The following PTPRN2 variants were observed in gnomAD, a reference collection of about 807,000 sequenced individuals.
PTPRN2 encodes protein tyrosine phosphatase receptor type N2, also known as receptor-type tyrosine-protein phosphatase N2.
PTPRN2 carries 74 observed loss-of-function variants against 118.8 expected under a neutral mutation model. That is an observed-to-expected ratio of 0.62 (90% CI 0.52 to 0.76). PTPRN2 has a LOEUF of 0.76. Ranked by LOEUF, PTPRN2 falls within the 30% of genes least tolerant of loss-of-function variation. PTPRN2 has a pLI of 0.00. For synonymous variants in PTPRN2, 641 were observed against 608.0 expected, an observed-to-expected ratio of 1.05 and a Z score of -0.80; for missense variants, 1,481 against 1,394.4, an observed-to-expected ratio of 1.06 and a Z score of -0.99.
intron 13 of PTPRN2, among the ~76,000 whole-genome samples, chr7:157,667,809 C>T (rs575630821): frequency 6.6e-6 from 1 of 152,272 alleles, no homozygotes; most frequent in Admixed American, 6.5e-5. Context: ...GGCGCAGAAA[C>T]TCTCCATCAG....
intron 13 of PTPRN2, among the ~76,000 whole-genome samples, chr7:157,672,421 T>C (rs1331136257): frequency 1.3e-5 from 2 of 151,762 alleles, no homozygotes; most frequent in African/African-American, 4.8e-5. Context: ...ACACACCAGC[T>C]CCAGTTTCCA....
intron 3 of PTPRN2, among the ~76,000 whole-genome samples, chr7:158,298,472 T>C (rs543037074): frequency 6.6e-6 from 1 of 152,356 alleles, no homozygotes; most frequent in South Asian, 2.1e-4. Context: ...AGTCGAAACA[T>C]GAAATTACTT....
rs1402830542 is a variant in PTPRN2, at chr7:157,808,340, G to A, written c.1788+90333C>T. ...GTGAGTGGCAGGTAAGCGGGTGAGT[G>A]GCGGGTGAGTGAGCGAGTGAAACTT... On this transcript the variant is annotated intron_variant, in intron 12 of 22. Coordinates refer to ENST00000389418, the MANE Select transcript of PTPRN2 (RefSeq NM_002847.5). This position sits in a 1 kb window ranked among gnomAD's most constrained non-coding sequence, Gnocchi z 5.0. 6.6e-6 allele frequency among the ~76,000 whole-genome samples: 1 copy of A among 152,066 alleles called. No individual in the cohort carries two copies. The highest frequency in any genetic ancestry group is 1.5e-5 in the Non-Finnish European group (1 of 68,010).
intron 2 of PTPRN2, among the ~76,000 whole-genome samples, chr7:158,465,139 C>T (rs1276084536): frequency 6.6e-6 from 1 of 152,198 alleles, no homozygotes; most frequent in African/African-American, 2.4e-5. Context: ...GCTGGGCCTC[C>T]TCTCCTGGGC....
At chr7:158,079,936 G>A (rs189680921) in intron 11 of PTPRN2, among the ~76,000 whole-genome samples, 116 of 152,308 alleles carry the variant, frequency 7.6e-4, no homozygotes, top group African/African-American at 2.7e-3. Flanking sequence ...AACAAAGTGA[G>A]ACTGGGGACT....
chr7:157,661,809 C>T lies in PTPRN2; in HGVS notation c.2002-5258G>A, dbSNP rs555845227. Among the ~76,000 whole-genome samples the T allele has an allele frequency of 2.1e-3, 325 of 152,278 alleles. 1 individual carries two copies. The highest frequency in any genetic ancestry group is 3.4e-3 in the Middle Eastern group (1 of 294). On this transcript the variant is annotated intron_variant, in intron 13 of 22. Coordinates refer to ENST00000389418, the MANE Select transcript of PTPRN2 (RefSeq NM_002847.5). ...CTACGATGGGCAGGACGTGGCTCCC[C>T]GGAGGCACCAGCCATGTTTCCCTCA...
chr7:158,214,937 CA>C (rs1214205893), intron 3 of PTPRN2, among the ~76,000 whole-genome samples: 1 of 152,100 alleles, frequency 6.6e-6, no homozygotes, highest in Non-Finnish European at 1.5e-5. Flanking sequence ...AGAATCATGA[CA>C]TAATACAAAA....
intron 12 of PTPRN2, among the ~76,000 whole-genome samples, chr7:157,687,094 C>T (rs12698100): frequency 6.6e-6 from 1 of 151,694 alleles, no homozygotes; most frequent in African/African-American, 2.4e-5. Flanking sequence ...TGTCTTAGAA[C>T]TTAGCATCTG....
intron 12 of PTPRN2, among the ~76,000 whole-genome samples, chr7:157,772,791 C>T (rs1466768064): frequency 2.0e-5 from 3 of 152,254 alleles, no homozygotes; most frequent in East Asian, 1.9e-4. Flanking sequence ...AGTCTTTGGT[C>T]GCTTTTGCAT....
intron 3 of PTPRN2, among the ~76,000 whole-genome samples, chr7:158,268,213 C>T (rs949458718): frequency 2.1e-4 from 32 of 152,282 alleles, no homozygotes; most frequent in South Asian, 4.1e-4. Context: ...CGCGGCCGCA[C>T]GCACACAGAG....
chr7:158,328,088 G>A (rs1399250525), intron 2 of PTPRN2, among the ~76,000 whole-genome samples: 1 of 152,196 alleles, frequency 6.6e-6, no homozygotes, highest in East Asian at 1.9e-4. Flanking sequence ...GCACATTTCT[G>A]CAAGGAAGCT....
chr7:157,743,959 C>T (rs991053258), intron 12 of PTPRN2, among the ~76,000 whole-genome samples: 3 of 152,318 alleles, frequency 2.0e-5, no homozygotes, highest in South Asian at 2.1e-4. Flanking sequence ...TTGCATGTGT[C>T]GTGGTGGGAG....
rs1801779443 is a variant in PTPRN2 at position 157,964,627 on chromosome 7, T to A, written c.1724-65890A>T. Among the ~76,000 whole-genome samples, 1 of 152,102 alleles carries A rather than the reference T, an allele frequency of 6.6e-6. No individual in the cohort carries two copies. The highest frequency in any genetic ancestry group is 1.5e-5 in the Non-Finnish European group (1 of 67,992). On this transcript the variant is annotated intron_variant, in intron 11 of 22. Transcript: ENST00000389418. The surrounding 1 kb of genome is among the most constrained non-coding windows in gnomAD (Gnocchi z 9.0). ...GGCCCTTGAGTCTGTCTCACGCCAT[T>A]AACACCCTGTGATGGCCTTACTTGG...
At chr7:157,586,643 C>T (rs994649295) in intron 17 of PTPRN2, among the ~76,000 whole-genome samples, 10 of 151,790 alleles carry the variant, frequency 6.6e-5, no homozygotes, top group Non-Finnish European at 8.8e-5. Context: ...CGCTGCTGGA[C>T]GCCACGTCTG....
intron 17 of PTPRN2, among the ~76,000 whole-genome samples, chr7:157,581,194 TC>T (rs1800367177): frequency 6.6e-6 from 1 of 152,152 alleles, no homozygotes. Context: ...TGCACCACCA[TC>T]CCTGGATCGA....
At chr7:157,711,992 G>C (rs181126611) in intron 12 of PTPRN2, among the ~76,000 whole-genome samples, 1,207 of 12,648 alleles carry the variant, frequency 0.095, 30 homozygotes, top group Non-Finnish European at 0.14. Context: ...CACCATGAGT[G>C]GGGGGAGGGG....
At chr7:157,905,334 T>C (rs985613653) in intron 11 of PTPRN2, among the ~76,000 whole-genome samples, 1 of 152,214 alleles carries the variant, frequency 6.6e-6, no homozygotes, top group Non-Finnish European at 1.5e-5. Context: ...GTCTGAGTTA[T>C]GTTTTGAGCC....
intron 1 of PTPRN2, among the ~76,000 whole-genome samples, chr7:158,554,122 C>T (rs568679908): frequency 1.4e-3 from 219 of 152,256 alleles, no homozygotes; most frequent in Non-Finnish European, 2.1e-3. Context: ...AAAAATTAGC[C>T]GGATGTGGTG....
intron 13 of PTPRN2, among the ~76,000 whole-genome samples, chr7:157,657,224 CGCCA>C (rs1795557867): frequency 7.9e-5 from 9 of 113,836 alleles, no homozygotes; most frequent in East Asian, 2.9e-4. Flanking sequence ...CACACACATA[CGCCA>C]CACACACACA....
Sources: gnomAD v4.1 joint callset for allele counts (sites outside exome capture counted in the v4.1 genomes callset) on GRCh38, gnomAD v4.1.1 for gene constraint, Gnocchi (gnomAD v3.1) non-coding constraint, MANE v1.5 for transcripts, NCBI Gene and HGNC (gene_info 2026-07-23, HGNC 2026-07-21) for gene names.